Variants in ABHD17C observed in about 807,000 individuals in gnomAD.
ABHD17C encodes the protein abhydrolase domain containing 17C, depalmitoylase.
A neutral mutation model predicts 27.9 loss-of-function variants in ABHD17C; 11 were observed. The observed-to-expected ratio is 0.39, with a 90% CI of 0.25 to 0.65. The LOEUF (loss-of-function observed/expected upper bound fraction) is 0.65. ABHD17C is among the 30% of genes least tolerant of loss of function. ABHD17C has a pLI of 0.45. For synonymous variants in ABHD17C, 233 were observed against 209.1 expected (o/e 1.11, Z -0.98); for missense variants, 280 against 470.2 (o/e 0.60, Z 3.74).
At chr15:80,696,680 G>A (rs1894499796) in intron 1 of ABHD17C, among the ~76,000 whole-genome samples, 1 of 152,184 alleles carries the variant, frequency 6.6e-6, no homozygotes, top group Admixed American at 6.5e-5. Context: ...TTTGAAACTT[G>A]CAGGGGCTGG....
intron 1 of ABHD17C, among the ~76,000 whole-genome samples, chr15:80,743,823 T>G (rs965076178): frequency 1.3e-5 from 2 of 152,186 alleles, no homozygotes; most frequent in African/African-American, 4.8e-5. Flanking sequence ...TTCGCACTCC[T>G]CGGCCTCAGA....
At chr15:80,723,414 C>T (rs1421141719) in intron 1 of ABHD17C, among the ~76,000 whole-genome samples, 1 of 152,028 alleles carries the variant, frequency 6.6e-6, no homozygotes. Context: ...TGCTGACAGC[C>T]AGATTAGTTT....
chr15:80,715,205 T>G (rs1894787746), intron 1 of ABHD17C, among the ~76,000 whole-genome samples: 1 of 152,250 alleles, frequency 6.6e-6, no homozygotes, highest in African/African-American at 2.4e-5. Flanking sequence ...GGAAATCAAT[T>G]GAAAGGAAGG....
chr15:80,724,196 G>A (rs971462041), intron 1 of ABHD17C, among the ~76,000 whole-genome samples: 1 of 151,980 alleles, frequency 6.6e-6, no homozygotes, highest in African/African-American at 2.4e-5. Context: ...AAAAAAATTA[G>A]TCAGGTGTGG....
chr15:80,734,801 G>C (rs969939279), intron 1 of ABHD17C, among the ~76,000 whole-genome samples: 3 of 152,128 alleles, frequency 2.0e-5, no homozygotes, highest in Admixed American at 2.0e-4. Context: ...ATAGAATGAA[G>C]CATCATACAT....
At chr15:80,747,848 G>T (rs1283061198) in intron 1 of ABHD17C, among the ~76,000 whole-genome samples, 1 of 152,032 alleles carries the variant, frequency 6.6e-6, no homozygotes, top group African/African-American at 2.4e-5. Context: ...GTCCCCTGCC[G>T]GATCTCCCAG....
chr15:80,750,624 C>A (rs978993672), intron 2 of ABHD17C, among the ~76,000 whole-genome samples: 1 of 152,214 alleles, frequency 6.6e-6, no homozygotes, highest in Admixed American at 6.5e-5. Flanking sequence ...CAGAAAGGAA[C>A]CTTCTGTTAA....
intron 1 of ABHD17C, among the ~76,000 whole-genome samples, chr15:80,736,149 G>A (rs756764960): frequency 3.9e-5 from 6 of 152,208 alleles, no homozygotes; most frequent in Non-Finnish European, 8.8e-5. Flanking sequence ...CACCAAAACA[G>A]CGGATACTTT....
chr15:80,696,534 A>G (rs538214067), intron 1 of ABHD17C, among the ~76,000 whole-genome samples: 15 of 152,290 alleles, frequency 9.8e-5, no homozygotes, highest in African/African-American at 3.4e-4. Context: ...GCAACCTTGG[A>G]AACAGCTGGA....
chr15:80,710,216 A>G (rs1894710845), intron 1 of ABHD17C, among the ~76,000 whole-genome samples: 1 of 152,158 alleles, frequency 6.6e-6, no homozygotes, highest in Non-Finnish European at 1.5e-5. Context: ...GCAGATGTAG[A>G]GATCATCAAG....
intron 1 of ABHD17C, among the ~76,000 whole-genome samples, chr15:80,697,196 T>C (rs79547373): frequency 0.017 from 2,588 of 152,322 alleles, 66 homozygotes; most frequent in African/African-American, 0.059. Context: ...ATTTGCTCTA[T>C]GTTGCATGTT....
At chr15:80,708,636 TCCAGTA>T (rs1359546600) in intron 1 of ABHD17C, among the ~76,000 whole-genome samples, 3 of 152,204 alleles carry the variant, frequency 2.0e-5, no homozygotes, top group African/African-American at 7.2e-5. Context: ...GCCTGAATAC[TCCAGTA>T]CAGGGGGCAG....
chr15:80,705,333 T>TTGTGTGTGTGTGTGTGTGTGTGTGTGTG (rs1555421862), intron 1 of ABHD17C, among the ~76,000 whole-genome samples: 2,803 of 106,748 alleles, frequency 0.026, 165 homozygotes, highest in Non-Finnish European at 0.038. Flanking sequence ...TTCCTATGAT[T>TTGTGTGTGTGTGTGTGTGTGTGTGTGTG]TGTGTGTGTG....
At chr15:80,720,154 A>G (rs1490611029) in intron 1 of ABHD17C, among the ~76,000 whole-genome samples, 8 of 152,000 alleles carry the variant, frequency 5.3e-5, no homozygotes, top group Admixed American at 3.9e-4. Context: ...ATTTGCTCAG[A>G]TGTTTCTGTC....
intron 1 of ABHD17C, among the ~76,000 whole-genome samples, chr15:80,696,347 A>C (rs1279756729): frequency 6.6e-6 from 1 of 152,166 alleles, no homozygotes; most frequent in African/African-American, 2.4e-5. Context: ...GTGGGTGCTT[A>C]AGTACCGGGC....
chr15:80,738,260 T>C (rs1895161099), intron 1 of ABHD17C, among the ~76,000 whole-genome samples: 1 of 152,148 alleles, frequency 6.6e-6, no homozygotes, highest in South Asian at 2.1e-4. Context: ...CCGTAACACC[T>C]GCTTCCTTCT....
chr15:80,752,029 A>G (rs1051078252), intron 2 of ABHD17C, among the ~76,000 whole-genome samples: 5 of 152,202 alleles, frequency 3.3e-5, no homozygotes, highest in Admixed American at 3.3e-4. Context: ...CCAGATTATT[A>G]TTTCATTTAT....
At chr15:80,699,562 C>T (rs939622030) in intron 1 of ABHD17C, among the ~76,000 whole-genome samples, 2 of 152,196 alleles carry the variant, frequency 1.3e-5, no homozygotes, top group Non-Finnish European at 2.9e-5. Context: ...CATCTTTTAT[C>T]CATTACCTAT....
At chr15:80,697,333 C>T (rs191189653) in intron 1 of ABHD17C, among the ~76,000 whole-genome samples, 18 of 152,302 alleles carry the variant, frequency 1.2e-4, no homozygotes, top group Admixed American at 1.1e-3. Flanking sequence ...AGTTAAAAGC[C>T]ACCTGTTCCA....
Sources: gnomAD v4.1 joint callset for allele counts (sites outside exome capture counted in the v4.1 genomes callset) on GRCh38, gnomAD v4.1.1 for gene constraint, MANE v1.5 for transcripts, NCBI Gene and HGNC (gene_info 2026-07-23, HGNC 2026-07-21) for gene names.